Variants in SRGAP1 observed in about 807,000 individuals in gnomAD.
The protein encoded by SRGAP1 is SLIT-ROBO Rho GTPase-activating protein 1.
Under a neutral mutation model 121.9 loss-of-function variants are expected in SRGAP1, and 43 were observed. That is an observed-to-expected ratio of 0.35 (90% CI 0.28 to 0.46). The LOEUF is 0.46. SRGAP1 is among the 20% of genes least tolerant of loss of function. The pLI, the probability that SRGAP1 is intolerant of heterozygous loss-of-function variation, is 1.00. For missense variants in SRGAP1, 1,102 were observed against 1,350.9 expected (o/e 0.82, Z 2.89); for synonymous variants, 447 against 485.4 (o/e 0.92, Z 1.04).
At chr12:64,034,389 T>C (rs2034852844) in intron 4 of SRGAP1, among the ~76,000 whole-genome samples, 1 of 152,162 alleles carries the variant, frequency 6.6e-6, no homozygotes, top group South Asian at 2.1e-4. Context: ...CCTGCAGAAC[T>C]GTGAGTCAAT....
At position 63,951,152 on chromosome 12, in the gene SRGAP1, C is replaced by CTTTTTTTTTTTTTTTTTT. The variant is rs58637983; in HGVS notation, c.68-32783_68-32766dup. ...GGGCTGGTCCATGCCATTTAGAACTCTTTTTTTTTTTTTTTTTTTTTTTTT... is the reference window on the plus strand; with the variant it reads ...GGGCTGGTCCATGCCATTTAGAACTCTTTTTTTTTTTTTTTTTTTTTTTTTTTTTTTTTTTTTTTTTTT... On this transcript the variant is annotated intron_variant, in intron 1 of 21. Transcript: ENST00000355086. Among the ~76,000 whole-genome samples, 9 of 44,184 alleles carry CTTTTTTTTTTTTTTTTTT rather than the reference C, an allele frequency of 2.0e-4. 2 individuals are homozygous for CTTTTTTTTTTTTTTTTTT. Among genetic ancestry groups the CTTTTTTTTTTTTTTTTTT allele is most frequent in the Admixed American group, 7.8e-4 (2 of 2,578 alleles). The allele number at this position is 44,184 out of a possible 152,430, so 29.0% of individuals were successfully genotyped here.
intron 1 of SRGAP1, among the ~76,000 whole-genome samples, chr12:63,931,034 CTTTTGT>C (rs1417759850): frequency 2.6e-5 from 4 of 152,112 alleles, no homozygotes; most frequent in Admixed American, 6.6e-5. Flanking sequence ...CCTCCCCCTC[CTTTTGT>C]TTTTAAGTGA....
In SRGAP1 at chr12:63,921,981, C is replaced by CTT. The variant is rs745306989; in HGVS notation, c.68-61953_68-61952dup. Among the ~76,000 whole-genome samples, 162 of 143,644 alleles carry CTT rather than the reference C, an allele frequency of 1.1e-3. 1 individual carries two copies. Among genetic ancestry groups the CTT allele is most frequent in the Admixed American group, 2.4e-3 (35 of 14,308 alleles). 94.2% of individuals were successfully genotyped at this position (143,644 alleles called of 152,430 possible). ...GGAAATCAAGATAGGTGATTTCTTT[C>CTT]TTTTTTTTTTTTTTGAGACTGAGTC... is the stretch of plus-strand genomic sequence containing the variant. On this transcript the variant is annotated intron_variant, in intron 1 of 21. Transcript: ENST00000355086.
intron 12 of SRGAP1, among the ~76,000 whole-genome samples, chr12:64,094,549 A>G (rs2036117727): frequency 6.6e-6 from 1 of 151,926 alleles, no homozygotes; most frequent in Admixed American, 6.5e-5. Context: ...GGGATGTCAG[A>G]GAGAGAATCC....
intron 1 of SRGAP1, among the ~76,000 whole-genome samples, chr12:63,962,940 T>C (rs1245705531): frequency 6.6e-6 from 1 of 152,194 alleles, no homozygotes; most frequent in African/African-American, 2.4e-5. Flanking sequence ...GTTGAAATTA[T>C]AGTATTTTTG....
chr12:64,115,848 G>A lies in SRGAP1; in HGVS notation c.2179G>A (p.Glu727Lys). ...SPYSEHGTLE[E>K]VDQDAGTEPH... is the part of the protein sequence containing the mutation. The stretch of plus-strand genomic sequence containing the variant: ...ATACAGTGAGCACGGTACATTGGAG[G>A]AAGTGGACCAAGATGCTGGTACAGA... Residue 727 changes from glutamate to lysine, a missense_variant, in exon 18 of 22, where the codon GAA becomes AAA. Around this residue, in one of 3 missense-constraint regions of SRGAP1, gnomAD observed 747 missense variants for 929.4 expected, o/e 0.80. Transcript: ENST00000355086. 12 of 1,613,750 alleles carry A rather than the reference G, an allele frequency of 7.4e-6. No homozygotes were observed. The highest frequency in any genetic ancestry group is 1.0e-5 in the Non-Finnish European group (12 of 1,179,834).
At chr12:64,090,033 G>A (rs1461633355) in intron 11 of SRGAP1, among the ~76,000 whole-genome samples, 1 of 152,218 alleles carries the variant, frequency 6.6e-6, no homozygotes, top group African/African-American at 2.4e-5. Flanking sequence ...TCCTGGTGTG[G>A]TGTGTATCCT....
intron 21 of SRGAP1, among the ~76,000 whole-genome samples, chr12:64,137,006 G>A (rs547206948): frequency 3.9e-5 from 6 of 152,274 alleles, no homozygotes; most frequent in Admixed American, 3.3e-4. Context: ...ACTCATGCCT[G>A]TAATCCCAGC....
chr12:64,147,288 T>C lies in SRGAP1; in HGVS notation c.*4616T>C. 1 of 394,040 alleles carries C rather than the reference T, an allele frequency of 2.5e-6. No individual in the cohort carries two copies. The highest frequency in any genetic ancestry group is 4.5e-6 in the Non-Finnish European group (1 of 223,648). The allele number at this position is 394,040 out of a possible 1,614,324, so 24.4% of individuals were successfully genotyped here. A position where few individuals can be genotyped will look rare whatever the true frequency, so the allele number is the denominator to read the frequency against. The stretch of plus-strand genomic sequence containing the variant: ...TCAATGTACATCTGTAGTATGTACA[T>C]GTGAAAGTGCCTTTCTATTTTAGAG... On this transcript the variant is annotated 3_prime_UTR_variant, in exon 22 of 22. Coordinates refer to ENST00000355086, the MANE Select transcript of SRGAP1 (RefSeq NM_020762.4).
At chr12:63,893,105 G>C (rs181161487) in intron 1 of SRGAP1, among the ~76,000 whole-genome samples, 1 of 152,180 alleles carries the variant, frequency 6.6e-6, no homozygotes, top group African/African-American at 2.4e-5. Context: ...ATCTTTTGCT[G>C]CTATAGTTAG....
At chr12:63,963,827 G>A (rs538426491) in intron 1 of SRGAP1, among the ~76,000 whole-genome samples, 1 of 152,248 alleles carries the variant, frequency 6.6e-6, no homozygotes, top group South Asian at 2.1e-4. Context: ...ATAGTATTCA[G>A]TATTTCAGAG....
At chr12:63,934,658 C>G (rs183611952) in intron 1 of SRGAP1, among the ~76,000 whole-genome samples, 2 of 152,272 alleles carry the variant, frequency 1.3e-5, no homozygotes, top group South Asian at 2.1e-4. Flanking sequence ...ACCACCCCCC[C>G]CAACAATCTG....
chr12:64,055,472 A>G (rs1244346530), intron 6 of SRGAP1, among the ~76,000 whole-genome samples: 2 of 151,812 alleles, frequency 1.3e-5, no homozygotes, highest in Non-Finnish European at 2.9e-5. Flanking sequence ...AAAGCTACCA[A>G]TGCCTTTCTT....
chr12:63,952,459 T>G (rs1377477262), intron 1 of SRGAP1, among the ~76,000 whole-genome samples: 1 of 152,128 alleles, frequency 6.6e-6, no homozygotes, highest in East Asian at 1.9e-4. Flanking sequence ...GAGGCTGCAG[T>G]GAGCTATGAT....
chr12:63,935,054 T>C (rs900407093), intron 1 of SRGAP1, among the ~76,000 whole-genome samples: 1 of 152,220 alleles, frequency 6.6e-6, no homozygotes, highest in Non-Finnish European at 1.5e-5. Context: ...GGCAGTGCCC[T>C]TGGCTCTCCA....
At chr12:64,070,162 G>T (rs2035614282) in intron 8 of SRGAP1, among the ~76,000 whole-genome samples, 1 of 152,176 alleles carries the variant, frequency 6.6e-6, no homozygotes, top group Admixed American at 6.5e-5. Context: ...CTTTATCAAA[G>T]TTTGCATTTA....
intron 10 of SRGAP1, 25 bp from the exon 11 acceptor site, chr12:64,086,972 TAC>T: frequency 6.4e-7 from 1 of 1,573,672 alleles, no homozygotes; most frequent in Non-Finnish European, 8.7e-7. Context: ...CCTTTCAGTT[TAC>T]TTACTTTAAA....
intron 3 of SRGAP1, among the ~76,000 whole-genome samples, chr12:63,996,161 GA>G (rs962489440): frequency 1.3e-5 from 2 of 151,532 alleles, no homozygotes; most frequent in African/African-American, 4.8e-5. Context: ...AATATAAAAA[GA>G]AATAATAATT....
At chr12:63,865,519 T>C (rs1899598219) in intron 1 of SRGAP1, among the ~76,000 whole-genome samples, 1 of 152,218 alleles carries the variant, frequency 6.6e-6, no homozygotes, top group East Asian at 1.9e-4. Flanking sequence ...CAACAAATTC[T>C]TGAAAAGCAT....
Sources: allele counts gnomAD v4.1 joint callset (sites outside exome capture counted in the v4.1 genomes callset), GRCh38; gene constraint gnomAD v4.1.1; regional missense constraint gnomAD v4.1.1; transcripts MANE v1.5; gene names NCBI Gene and HGNC (gene_info 2026-07-23, HGNC 2026-07-21).